The following RYR2 variants were observed in gnomAD, a reference collection of about 807,000 sequenced individuals.
RYR2 encodes cardiac muscle ryanodine receptor-calcium release channel.
Under a neutral mutation model 601.1 loss-of-function variants are expected in RYR2, and 227 were observed. The ratio of observed to expected loss-of-function variants is 0.38; its 90% CI spans 0.34 to 0.42. The LOEUF (loss-of-function observed/expected upper bound fraction) is 0.42. Among genes scored for constraint, RYR2 ranks in the 10% least tolerant of loss-of-function variants. RYR2 has a pLI of 1.00. For synonymous variants in RYR2, 2,223 were observed against 2,175.1 expected, an observed-to-expected ratio of 1.02 and a Z score of -0.61; for missense variants, 4,646 against 6,156.5, an observed-to-expected ratio of 0.75 and a Z score of 8.21.
At chr1:237,278,245 ATTTTTTTTTTTTTTT>A (rs71561863) in intron 2 of RYR2, among the ~76,000 whole-genome samples, 45 of 67,022 alleles carry the variant, frequency 6.7e-4, no homozygotes, top group African/African-American at 2.5e-3. Flanking sequence ...TAATTTTTGT[ATTTTTTTTTTTTTTT>A]TTTTTTTTTT....
chr1:237,562,295 A>G (rs1211362133), intron 27 of RYR2, among the ~76,000 whole-genome samples: 1 of 152,238 alleles, frequency 6.6e-6, no homozygotes, highest in African/African-American at 2.4e-5. Flanking sequence ...ATTAATACCA[A>G]TAATTTTAAA....
intron 29 of RYR2, among the ~76,000 whole-genome samples, chr1:237,579,944 T>A (rs1396248153): frequency 6.6e-6 from 1 of 152,080 alleles, no homozygotes; most frequent in Non-Finnish European, 1.5e-5. Context: ...CAAAGGAATG[T>A]CAGTGAAGAA....
intron 4 of RYR2, among the ~76,000 whole-genome samples, chr1:237,363,764 G>T (rs1009610391): frequency 6.6e-6 from 1 of 152,112 alleles, no homozygotes; most frequent in Non-Finnish European, 1.5e-5. Flanking sequence ...TATAATTTAT[G>T]AAAGGAGACT....
chr1:237,088,263 C>T (rs368145780), intron 1 of RYR2, among the ~76,000 whole-genome samples: 10 of 152,112 alleles, frequency 6.6e-5, no homozygotes, highest in South Asian at 2.1e-4. Context: ...GTGTGCCAAA[C>T]GCAGATGGTT....
In RYR2 at chr1:237,354,366, T is replaced by C. The variant is rs137868752; in HGVS notation, c.274-1599T>C. Among the ~76,000 whole-genome samples, 348 of 152,160 alleles carry C rather than the reference T, an allele frequency of 2.3e-3. 2 individuals carry two copies. The highest frequency in any genetic ancestry group is 4.1e-3 in the Non-Finnish European group (277 of 67,958). The stretch of plus-strand genomic sequence containing the variant: ...GTGTGTGTGTGTGTGTGTGTATGCA[T>C]GTGTGAATGTCTGACATGCAGAAGT... On this transcript the variant is annotated intron_variant, in intron 3 of 104. Transcript: ENST00000366574.
chr1:237,222,219 A>G (rs746718396), intron 1 of RYR2, among the ~76,000 whole-genome samples: 2 of 151,982 alleles, frequency 1.3e-5, no homozygotes, highest in Admixed American at 1.3e-4. Flanking sequence ...TCGAGACCAT[A>G]CTGGCTAACA....
intron 3 of RYR2, among the ~76,000 whole-genome samples, chr1:237,346,050 G>A (rs992316931): frequency 7.9e-5 from 12 of 151,996 alleles, no homozygotes; most frequent in Non-Finnish European, 1.8e-4. Flanking sequence ...TTAGAGAAAG[G>A]AGATATTGAT....
At chr1:237,250,448 T>G (rs1290917610) in intron 1 of RYR2, among the ~76,000 whole-genome samples, 6 of 152,188 alleles carry the variant, frequency 3.9e-5, no homozygotes, top group Non-Finnish European at 7.3e-5. Flanking sequence ...ATTTCCTTGG[T>G]ATTTTAGAGC....
At position 237,460,943 on chromosome 1, in the gene RYR2, A is replaced by G. The variant is rs901941953; in HGVS notation, c.1612+4208A>G. ...TGTTATCATCCTTTCCCTTGTTAACATAGTAAAACTTTTGTCTCCAACCTC... is the reference window on the plus strand; with the variant it reads ...TGTTATCATCCTTTCCCTTGTTAACGTAGTAAAACTTTTGTCTCCAACCTC... On this transcript the variant is annotated intron_variant, in intron 16 of 104. Coordinates refer to ENST00000366574, the MANE Select transcript of RYR2 (RefSeq NM_001035.3). Among the ~76,000 whole-genome samples, 15 of 152,274 alleles carry G rather than the reference A, an allele frequency of 9.9e-5. No individual in the cohort carries two copies. The Middle Eastern group carries it at 0.014, about 138-fold the overall frequency.
At chr1:237,640,808 G>A in intron 46 of RYR2, 89 bp from the exon 47 acceptor site, 1 of 986,492 alleles carries the variant, frequency 1.0e-6, no homozygotes, top group Non-Finnish European at 1.6e-6. Flanking sequence ...GTGTTACCTA[G>A]TAGTCCCTTT....
At chr1:237,350,602 A>AATATAT (rs1177777241) in intron 3 of RYR2, among the ~76,000 whole-genome samples, 534 of 36,874 alleles carry the variant, frequency 0.014, 7 homozygotes, top group African/African-American at 0.018. Flanking sequence ...AAAAAAAAAA[A>AATATAT]ATATATATAT....
chr1:237,051,996 T>G (rs966760049), intron 1 of RYR2, among the ~76,000 whole-genome samples: 1 of 152,242 alleles, frequency 6.6e-6, no homozygotes, highest in African/African-American at 2.4e-5. Flanking sequence ...TGCCACATCA[T>G]AGGTCCTGTG....
intron 2 of RYR2, among the ~76,000 whole-genome samples, chr1:237,280,910 G>C (rs1690792210): frequency 6.6e-6 from 1 of 151,504 alleles, no homozygotes. Flanking sequence ...TCAGCCTCCT[G>C]AGTAGCTGGG....
chr1:237,152,478 A>G (rs1387972914), intron 1 of RYR2, among the ~76,000 whole-genome samples: 1 of 152,180 alleles, frequency 6.6e-6, no homozygotes, highest in Admixed American at 6.5e-5. Context: ...CAACAGTGTA[A>G]AAGTGCTCTT....
At position 237,714,773 on chromosome 1, in the gene RYR2, G is replaced by A. The variant is rs890773522; in HGVS notation, c.10324-2425G>A. 2.6e-5 allele frequency among the ~76,000 whole-genome samples: 4 copies of A among 151,816 alleles called. No individual in the cohort carries two copies. In the South Asian group the frequency reaches 6.2e-4, roughly 24 times the overall value. On this transcript the variant is annotated intron_variant, in intron 71 of 104. Transcript: ENST00000366574. ...TGGGAGGCCAAGGCAGATGGATCAC[G>A]AGGTCAGGAGTTCAAGACCAGTCTG...
intron 1 of RYR2, among the ~76,000 whole-genome samples, chr1:237,080,627 A>G (rs1336898014): frequency 1.4e-5 from 1 of 72,078 alleles, no homozygotes; most frequent in East Asian, 2.8e-4. Flanking sequence ...AAGTCAGGAA[A>G]CAACAGGTGC....
intron 2 of RYR2, among the ~76,000 whole-genome samples, chr1:237,321,255 T>A (rs569562757): frequency 2.1e-3 from 323 of 152,324 alleles, no homozygotes; most frequent in Non-Finnish European, 3.3e-3. Context: ...ATTACTTGTA[T>A]AATTGTCTCT....
At chr1:237,202,087 A>T (rs1681258878) in intron 1 of RYR2, among the ~76,000 whole-genome samples, 2 of 152,214 alleles carry the variant, frequency 1.3e-5, no homozygotes, top group Admixed American at 1.3e-4. Flanking sequence ...GATTCAAAAG[A>T]TGCTATTTGT....
At chr1:237,110,450 G>A (rs1162532088) in intron 1 of RYR2, among the ~76,000 whole-genome samples, 1 of 134,068 alleles carries the variant, frequency 7.5e-6, no homozygotes, top group Non-Finnish European at 1.5e-5. Flanking sequence ...GAAGTGTGAT[G>A]TTCCCCTTCC....
Sources: gnomAD v4.1 joint callset for allele counts (sites outside exome capture counted in the v4.1 genomes callset) on GRCh38, gnomAD v4.1.1 for gene constraint, MANE v1.5 for transcripts, NCBI Gene and HGNC (gene_info 2026-07-23, HGNC 2026-07-21) for gene names.